Variants in DOCK8 observed in about 807,000 individuals in gnomAD.
DOCK8 encodes dedicator of cytokinesis 8, also known as dedicator of cytokinesis protein 8.
Under a neutral mutation model 245.6 loss-of-function variants are expected in DOCK8, and 141 were observed. The ratio of observed to expected loss-of-function variants is 0.57; its 90% CI spans 0.50 to 0.66. The LOEUF (loss-of-function observed/expected upper bound fraction) is 0.66. DOCK8 is among the 30% of genes least tolerant of loss of function. DOCK8 has a pLI of 0.00. For missense variants in DOCK8, 2,965 were observed against 2,603.4 expected (o/e 1.14, Z -3.02); for synonymous variants, 1,168 against 970.2 (o/e 1.20, Z -3.79).
intron 29 of DOCK8, among the ~76,000 whole-genome samples, 184 bp from the exon 30 acceptor site, chr9:417,884 C>G (rs1487587597): frequency 2.0e-5 from 3 of 152,182 alleles, no homozygotes; most frequent in African/African-American, 7.2e-5. Context: ...TAATCTTGTG[C>G]TAGACATTGT....
At chr9:352,082 C>G (rs1161253339) in intron 14 of DOCK8, among the ~76,000 whole-genome samples, 1 of 152,080 alleles carries the variant, frequency 6.6e-6, no homozygotes, top group Non-Finnish European at 1.5e-5. Context: ...TTTGATGTTG[C>G]TAAACATCAA....
intron 33 of DOCK8, among the ~76,000 whole-genome samples, chr9:425,762 A>G (rs754297241): frequency 1.6e-3 from 111 of 67,776 alleles, no homozygotes; most frequent in Non-Finnish European, 2.6e-3. Flanking sequence ...GTCTCTAAGG[A>G]AAAAAAAAAA....
At chr9:432,960 C>T (rs1465867203) in intron 37 of DOCK8, among the ~76,000 whole-genome samples, 1 of 152,186 alleles carries the variant, frequency 6.6e-6, no homozygotes, top group Non-Finnish European at 1.5e-5. Context: ...ACTCCAGCTC[C>T]TAGCCTGCTC....
intron 10 of DOCK8, 114 bp downstream of exon 10, chr9:332,592 C>A (rs1443138257): frequency 3.5e-5 from 20 of 567,744 alleles, no homozygotes; most frequent in Admixed American, 2.9e-4. Context: ...CTATATAAGA[C>A]ACTACTACAT....
At chr9:285,178 T>C (rs1329276510) in intron 2 of DOCK8, among the ~76,000 whole-genome samples, 1 of 152,160 alleles carries the variant, frequency 6.6e-6, no homozygotes, top group Non-Finnish European at 1.5e-5. Flanking sequence ...ACGCCACTCA[T>C]GTCTCCTCCA....
At position 334,026 on chromosome 9, in the gene DOCK8, C is replaced by G. The variant is rs141165941; in HGVS notation, c.1126-199C>G. On this transcript the variant is annotated intron_variant, in intron 10 of 47. Coordinates refer to ENST00000432829, the MANE Select transcript of DOCK8 (RefSeq NM_203447.4). ...TTTTGTAAACTCCTCGTTTTTTAAT[C>G]TTTATTTCCTTATCAGCTAGACCCA... Among the ~76,000 whole-genome samples, 29 of 135,512 alleles carry G rather than the reference C, an allele frequency of 2.1e-4. 2 individuals carry two copies. In the East Asian group the frequency reaches 7.3e-3, roughly 34 times the overall value. The allele number at this position is 135,512 out of a possible 152,430, so 88.9% of individuals were successfully genotyped here. A position where few individuals can be genotyped will look rare whatever the true frequency, so the allele number is the denominator to read the frequency against.
intron 25 of DOCK8, among the ~76,000 whole-genome samples, chr9:397,621 C>T (rs542081061): frequency 1.1e-4 from 17 of 151,772 alleles, no homozygotes; most frequent in African/African-American, 2.9e-4. Flanking sequence ...GCCCAGGAGG[C>T]GGAGGTTGCA....
At chr9:417,404 C>G (rs1446291325) in intron 29 of DOCK8, among the ~76,000 whole-genome samples, 3 of 152,222 alleles carry the variant, frequency 2.0e-5, no homozygotes, top group Non-Finnish European at 4.4e-5. Context: ...GTAATGTCAA[C>G]AGGTCTAGAA....
At chr9:445,058 T>A (rs1024924259) in intron 43 of DOCK8, among the ~76,000 whole-genome samples, 42 of 152,234 alleles carry the variant, frequency 2.8e-4, no homozygotes, top group African/African-American at 9.4e-4. Flanking sequence ...TTCTACATTT[T>A]TCAGAATGCT....
At chr9:309,225 G>A (rs544140779) in intron 5 of DOCK8, among the ~76,000 whole-genome samples, 1 of 151,916 alleles carries the variant, frequency 6.6e-6, no homozygotes, top group South Asian at 2.1e-4. Context: ...AATAAATTTG[G>A]GAAATTAAAG....
At chr9:238,873 T>C (rs1330915397) in intron 1 of DOCK8, among the ~76,000 whole-genome samples, 1 of 151,962 alleles carries the variant, frequency 6.6e-6, no homozygotes, top group Non-Finnish European at 1.5e-5. Flanking sequence ...ATGGCCAGAG[T>C]CTATCCCAGC....
intron 22 of DOCK8, among the ~76,000 whole-genome samples, chr9:383,544 C>T (rs1348466422): frequency 2.0e-5 from 3 of 151,788 alleles, no homozygotes; most frequent in Admixed American, 1.3e-4. Flanking sequence ...AAAAAAGATA[C>T]AAAACATTAG....
chr9:387,394 G>T (rs1209246070), intron 23 of DOCK8, among the ~76,000 whole-genome samples: 1 of 149,612 alleles, frequency 6.7e-6, no homozygotes, highest in Admixed American at 6.7e-5. Flanking sequence ...AGTGAGCTGA[G>T]ATCGTGCCAC....
intron 14 of DOCK8, among the ~76,000 whole-genome samples, chr9:359,202 A>G (rs537403594): frequency 3.3e-5 from 5 of 152,338 alleles, no homozygotes; most frequent in African/African-American, 1.2e-4. Context: ...ATTTGGAGTA[A>G]CATCCCTTTA....
intron 1 of DOCK8, among the ~76,000 whole-genome samples, chr9:255,238 C>G (rs990265943): frequency 1.3e-5 from 2 of 152,108 alleles, no homozygotes; most frequent in Non-Finnish European, 2.9e-5. Flanking sequence ...TTTAGATCAT[C>G]CTTATAACGA....
chr9:420,072 G>A lies in DOCK8; in HGVS notation c.3841-329G>A, dbSNP rs546053811. 2.6e-5 allele frequency: 10 copies of A among 387,538 alleles called. No individual in the cohort carries two copies. In the East Asian group the frequency reaches 5.5e-4, roughly 21 times the overall value. The allele number at this position is 387,538 out of a possible 1,614,324, so 24.0% of individuals were successfully genotyped here. A position where few individuals can be genotyped will look rare whatever the true frequency, so the allele number is the denominator to read the frequency against. Reference sequence around the variant, plus strand: ...CATGAAAGCCTCTTTGTATCACTGGGATTGCAGCACGCATGATCAAGGCCC... The same window carrying A: ...CATGAAAGCCTCTTTGTATCACTGGAATTGCAGCACGCATGATCAAGGCCC... On this transcript the variant is annotated intron_variant, in intron 30 of 47. Transcript: ENST00000432829.
chr9:364,907 G>A (rs1475043077), intron 14 of DOCK8, among the ~76,000 whole-genome samples: 1 of 152,230 alleles, frequency 6.6e-6, no homozygotes, highest in African/African-American at 2.4e-5. Flanking sequence ...AAATAGAACA[G>A]TAGGAAGACC....
intron 14 of DOCK8, among the ~76,000 whole-genome samples, chr9:367,223 G>A (rs1374750017): frequency 6.6e-6 from 1 of 152,168 alleles, no homozygotes; most frequent in Non-Finnish European, 1.5e-5. Flanking sequence ...GTTTCTTCAA[G>A]CCAGGAATAT....
intron 14 of DOCK8, among the ~76,000 whole-genome samples, chr9:349,499 C>G (rs999395173): frequency 4.6e-5 from 7 of 152,212 alleles, no homozygotes; most frequent in Non-Finnish European, 7.3e-5. Context: ...AGGCTAATAA[C>G]TGTACATTTA....
Sources: gnomAD v4.1 joint callset for allele counts (sites outside exome capture counted in the v4.1 genomes callset) on GRCh38, gnomAD v4.1.1 for gene constraint, MANE v1.5 for transcripts, NCBI Gene and HGNC (gene_info 2026-07-23, HGNC 2026-07-21) for gene names.